HIPK2: variants seen among roughly 807,000 people sequenced by gnomAD.
HIPK2 encodes homeodomain interacting protein kinase 2.
A neutral mutation model predicts 113.7 loss-of-function variants in HIPK2; 27 were observed. The observed-to-expected ratio is 0.24, with a 90% confidence interval of 0.17 to 0.33. The LOEUF is 0.33. Among genes scored for constraint, HIPK2 ranks in the 10% least tolerant of loss-of-function variants. The pLI is 1.00. For synonymous variants in HIPK2, 631 were observed against 642.2 expected, an observed-to-expected ratio of 0.98 and a Z score of 0.26; for missense variants, 1,257 against 1,588.0, an observed-to-expected ratio of 0.79 and a Z score of 3.54.
rs751172786 is a variant in HIPK2, at chr7:139,716,234, G to C, written c.801C>G (p.Phe267Leu). ...DYNFVRAYECFQHKNHTCLVF... is the reference protein window; with the variant it reads ...DYNFVRAYECLQHKNHTCLVF... ...CCAAGCACGTGTGGTTCTTGTGCTG[G>C]AAGCATTCGTAGGCCCGGACGAAGT... Residue 267 changes from phenylalanine to leucine, a missense_variant, in exon 2 of 15, where the codon TTC becomes TTG. By Grantham distance (22) the Phe-to-Leu change is conservative. Coordinates refer to ENST00000406875, the MANE Select transcript of HIPK2 (RefSeq NM_022740.5). This position sits in a 1 kb window ranked among gnomAD's most constrained non-coding sequence, Gnocchi z 9.3. 2.5e-6 allele frequency: 4 copies of C among 1,613,920 alleles called. No individual in the cohort carries two copies. The African/African-American group carries it at 4.0e-5, about 16-fold the overall frequency.
At chr7:139,638,656 C>CTTTTT (rs1184555180) in intron 2 of HIPK2, among the ~76,000 whole-genome samples, 4 of 130,248 alleles carry the variant, frequency 3.1e-5, no homozygotes, top group African/African-American at 1.2e-4. Flanking sequence ...AAATAATTGT[C>CTTTTT]TTTTTTTTTT....
chr7:139,744,885 T>C (rs910506784), intron 1 of HIPK2, among the ~76,000 whole-genome samples: 1 of 152,216 alleles, frequency 6.6e-6, no homozygotes, highest in African/African-American at 2.4e-5. Flanking sequence ...GATCACTCCC[T>C]GGACAAAGGA....
chr7:139,688,592 G>T (rs1759176338), intron 2 of HIPK2, among the ~76,000 whole-genome samples: 1 of 152,192 alleles, frequency 6.6e-6, no homozygotes, highest in South Asian at 2.1e-4. Flanking sequence ...ATGTTTAAGA[G>T]GGCTGGTAGG....
intron 2 of HIPK2, among the ~76,000 whole-genome samples, chr7:139,676,923 A>G (rs1356201127): frequency 6.7e-6 from 1 of 149,042 alleles, no homozygotes; most frequent in Non-Finnish European, 1.5e-5. Context: ...GTGCAATGGC[A>G]TGATCTCGGC....
At chr7:139,711,234 T>C (rs1326896669) in intron 2 of HIPK2, among the ~76,000 whole-genome samples, 4 of 152,100 alleles carry the variant, frequency 2.6e-5, no homozygotes, top group African/African-American at 9.7e-5. Context: ...GAGATCATCC[T>C]GGCTAATACA....
At chr7:139,698,346 T>C (rs1436981774) in intron 2 of HIPK2, among the ~76,000 whole-genome samples, 3 of 152,250 alleles carry the variant, frequency 2.0e-5, no homozygotes, top group African/African-American at 7.2e-5. Context: ...CATTTGCATA[T>C]ACGTTCATCC....
rs1258643239 is a variant in HIPK2, at chr7:139,571,861, G to C, written c.*1066C>G. 6.6e-6 allele frequency: 1 copy of C among 152,192 alleles called. No homozygotes were observed. The highest frequency in any genetic ancestry group is 1.5e-5 in the Non-Finnish European group (1 of 68,018). 9.4% of individuals were successfully genotyped at this position (152,192 alleles called of 1,614,324 possible). A position where few individuals can be genotyped will look rare whatever the true frequency, so the allele number is the denominator to read the frequency against. On this transcript the variant is annotated 3_prime_UTR_variant, in exon 15 of 15. Coordinates refer to ENST00000406875, the MANE Select transcript of HIPK2 (RefSeq NM_022740.5). ...AGGGTGGCGGCGCCGAGGGCCACGC[G>C]GGGAGGGCGGCGCGTGCACACCCAC...
intron 2 of HIPK2, among the ~76,000 whole-genome samples, chr7:139,696,867 GCA>G (rs1200945800): frequency 6.2e-4 from 94 of 152,092 alleles, no homozygotes; most frequent in Non-Finnish European, 1.2e-3. Context: ...CACAGGCCAG[GCA>G]CTGCATGTGT....
chr7:139,704,943 C>T (rs937612963), intron 2 of HIPK2, among the ~76,000 whole-genome samples: 1 of 152,194 alleles, frequency 6.6e-6, no homozygotes. Context: ...CAAGATCTGT[C>T]CTCCTCCCTC....
At chr7:139,744,753 G>C (rs575278401) in intron 1 of HIPK2, among the ~76,000 whole-genome samples, 2 of 152,128 alleles carry the variant, frequency 1.3e-5, no homozygotes, top group African/African-American at 2.4e-5. Flanking sequence ...ACGGACTTAC[G>C]GCAAGTGGAT....
intron 2 of HIPK2, 91 bp downstream of exon 2, chr7:139,715,841 A>C (rs374119945): frequency 3.2e-5 from 48 of 1,506,876 alleles, no homozygotes; most frequent in African/African-American, 1.5e-4. Context: ...TAGACATATA[A>C]TTTTATCTCC....
chr7:139,719,687 A>C lies in HIPK2; in HGVS notation c.20-2672T>G, dbSNP rs139780777. 3.6e-3 allele frequency among the ~76,000 whole-genome samples: 544 copies of C among 152,336 alleles called. 6 individuals are homozygous for C. Among genetic ancestry groups the C allele is most frequent in the African/African-American group, 0.011 (466 of 41,566 alleles). Reference sequence around the variant, plus strand: ...TGACTGTTCTAGTCACTTGGCTCCAAAACTATGAACTATGATGGTTCTTCT... The same window carrying C: ...TGACTGTTCTAGTCACTTGGCTCCACAACTATGAACTATGATGGTTCTTCT... On this transcript the variant is annotated intron_variant, in intron 1 of 14. Coordinates refer to ENST00000406875, the MANE Select transcript of HIPK2 (RefSeq NM_022740.5).
At chr7:139,706,844 A>G (rs1265971998) in intron 2 of HIPK2, among the ~76,000 whole-genome samples, 1 of 152,238 alleles carries the variant, frequency 6.6e-6, no homozygotes, top group African/African-American at 2.4e-5. Context: ...ACAAAGAGTG[A>G]CGTCCCAGCA....
chr7:139,635,898 A>C (rs967336104), intron 2 of HIPK2, among the ~76,000 whole-genome samples: 3 of 152,178 alleles, frequency 2.0e-5, no homozygotes, highest in African/African-American at 7.2e-5. Flanking sequence ...AGCCCCAAAC[A>C]CAAACCTTTC....
intron 4 of HIPK2, among the ~76,000 whole-genome samples, chr7:139,629,662 A>G (rs73156861): frequency 7.0e-4 from 106 of 152,184 alleles, no homozygotes; most frequent in Non-Finnish European, 1.1e-3. Flanking sequence ...ACATTCCCCA[A>G]ATGGCTGGAG....
chr7:139,569,181 CT>C lies in HIPK2; in HGVS notation c.*3745del, dbSNP rs1798182642. ...ACTTCCAGCTGGCTAGAATTGGGTG[CT>C]GGGGGCATGCATCACAGGGGGAGGG... On this transcript the variant is annotated 3_prime_UTR_variant, in exon 15 of 15. Coordinates refer to ENST00000406875, the MANE Select transcript of HIPK2 (RefSeq NM_022740.5). 1 of 152,210 alleles carries C rather than the reference CT, an allele frequency of 6.6e-6. No homozygotes were observed. The highest frequency in any genetic ancestry group is 6.5e-5 in the Admixed American group (1 of 15,272). The allele number at this position is 152,210 out of a possible 1,614,324, so 9.4% of individuals were successfully genotyped here.
chr7:139,596,661 A>C, intron 12 of HIPK2, 56 bp downstream of exon 12: 3 of 1,580,960 alleles, frequency 1.9e-6, no homozygotes, highest in Non-Finnish European at 2.6e-6. Context: ...TCAGATCTGC[A>C]CACAATGCAA....
intron 12 of HIPK2, among the ~76,000 whole-genome samples, chr7:139,586,951 G>A (rs1402678813): frequency 5.3e-5 from 8 of 152,110 alleles, no homozygotes; most frequent in African/African-American, 1.9e-4. Context: ...AGAGGAGAGT[G>A]GGAAGTTACT....
chr7:139,650,860 C>A (rs1022382363), intron 2 of HIPK2, among the ~76,000 whole-genome samples: 1 of 152,218 alleles, frequency 6.6e-6, no homozygotes, highest in African/African-American at 2.4e-5. Flanking sequence ...GGAAGAACAC[C>A]CTCCAGCCCC....
Sources: allele counts gnomAD v4.1 joint callset (sites outside exome capture counted in the v4.1 genomes callset), GRCh38; gene constraint gnomAD v4.1.1; non-coding constraint Gnocchi (gnomAD v3.1); transcripts MANE v1.5; gene names NCBI Gene and HGNC (gene_info 2026-07-23, HGNC 2026-07-21).